Variants in DOCK5 observed in about 807,000 individuals in gnomAD.
DOCK5 encodes the protein dedicator of cytokinesis 5, also known as dedicator of cytokinesis protein 5.
A neutral mutation model predicts 251.8 loss-of-function variants in DOCK5; 142 were observed. That is an observed-to-expected ratio of 0.56 (90% CI 0.49 to 0.65). DOCK5 has a LOEUF of 0.65. DOCK5 is among the 30% of genes least tolerant of loss of function. The pLI, the probability that DOCK5 is intolerant of heterozygous loss-of-function variation, is 0.00. For missense variants in DOCK5, 2,111 were observed against 2,312.3 expected (o/e 0.91, Z 1.79); for synonymous variants, 842 against 835.5 (o/e 1.01, Z -0.13).
At chr8:25,193,992 A>T (rs558364508) in intron 1 of DOCK5, among the ~76,000 whole-genome samples, 1 of 152,066 alleles carries the variant, frequency 6.6e-6, no homozygotes, top group South Asian at 2.1e-4. Context: ...AGTTTCACAA[A>T]ACGATAATTG....
intron 5 of DOCK5, among the ~76,000 whole-genome samples, chr8:25,284,106 G>T (rs564376824): frequency 6.6e-6 from 1 of 152,342 alleles, no homozygotes. Context: ...AAAACAGAAA[G>T]AACTTGGATG....
intron 1 of DOCK5, among the ~76,000 whole-genome samples, chr8:25,199,337 G>T (rs1369057179): frequency 6.6e-6 from 1 of 150,870 alleles, no homozygotes; most frequent in African/African-American, 2.4e-5. Flanking sequence ...AAAAGTTTGA[G>T]TGAGTAAGCG....
chr8:25,385,231 G>A (rs986937047), intron 40 of DOCK5, among the ~76,000 whole-genome samples: 3 of 152,260 alleles, frequency 2.0e-5, no homozygotes, highest in South Asian at 2.1e-4. Context: ...CAGACTTTTC[G>A]TGTTGGAAAG....
intron 2 of DOCK5, among the ~76,000 whole-genome samples, chr8:25,265,957 A>G (rs1803733996): frequency 6.6e-6 from 1 of 151,914 alleles, no homozygotes; most frequent in Non-Finnish European, 1.5e-5. Context: ...AGAAAGCAGA[A>G]AAGACTTGTG....
chr8:25,240,165 G>A (rs539810767), intron 1 of DOCK5, among the ~76,000 whole-genome samples: 1 of 152,154 alleles, frequency 6.6e-6, no homozygotes, highest in Admixed American at 6.5e-5. Flanking sequence ...AGCCTTATGG[G>A]TTCCTTGGAT....
chr8:25,375,914 A>G (rs533660365), intron 37 of DOCK5: 5 of 796,082 alleles, frequency 6.3e-6, no homozygotes, highest in South Asian at 1.1e-4. Flanking sequence ...CCTGGCTAAC[A>G]TGGTGAAACC....
At chr8:25,362,975 T>G (rs1217777712) in intron 28 of DOCK5, 72 bp from the exon 29 acceptor site, 2 of 1,145,458 alleles carry the variant, frequency 1.7e-6, no homozygotes, top group East Asian at 4.7e-5. Context: ...GTGGTTCTGC[T>G]TGTATACACG....
At chr8:25,330,805 C>T (rs1805664618) in intron 18 of DOCK5, among the ~76,000 whole-genome samples, 1 of 151,886 alleles carries the variant, frequency 6.6e-6, no homozygotes, top group Admixed American at 6.6e-5. Context: ...ACTTGTAATC[C>T]CTTTGGGAGG....
At position 25,340,938 on chromosome 8, in the gene DOCK5, G is replaced by C; in HGVS notation, c.2389G>C (p.Ala797Pro). 1 of 1,613,546 alleles carries C rather than the reference G, an allele frequency of 6.2e-7. No homozygotes were observed. Among genetic ancestry groups the C allele is most frequent in the Non-Finnish European group, 8.5e-7 (1 of 1,179,726 alleles). ...FNNSIRQLFLAFNMLMDRPLE... is the reference protein window; with the variant it reads ...FNNSIRQLFLPFNMLMDRPLE... ...TAATTCAATTCGCCAGTTATTTCTT[G>C]CTTTCAATATGCTGATGGACAGGCC... The change falls in exon 23 of 52, where the codon GCT becomes CCT. Residue 797 changes from alanine (A) to proline (P), a missense_variant. Physicochemically the swap from Ala to Pro is conservative, Grantham distance 27. This residue lies in a region of DOCK5 where 1,717 missense variants were observed against 1,892.4 expected (regional missense o/e 0.91). Transcript: ENST00000276440.
intron 1 of DOCK5, among the ~76,000 whole-genome samples, chr8:25,238,433 T>C (rs2117535169): frequency 6.6e-6 from 1 of 152,346 alleles, no homozygotes; most frequent in South Asian, 2.1e-4. Flanking sequence ...GAGGGCATAC[T>C]ACCAAACCCA....
At chr8:25,334,071 T>C in intron 20 of DOCK5, 25 bp from the exon 21 acceptor site, 1 of 1,567,844 alleles carries the variant, frequency 6.4e-7, no homozygotes, top group Non-Finnish European at 8.8e-7. Context: ...GCAGTGCTGC[T>C]ATTTCTATTT....
chr8:25,273,489 G>A (rs1166144339), intron 3 of DOCK5, among the ~76,000 whole-genome samples: 1 of 152,208 alleles, frequency 6.6e-6, no homozygotes, highest in African/African-American at 2.4e-5. Context: ...TGTAATCCCA[G>A]CTACTTGGGA....
intron 43 of DOCK5, 57 bp from the exon 44 acceptor site, chr8:25,392,739 T>C: frequency 6.9e-7 from 1 of 1,443,158 alleles, no homozygotes; most frequent in Non-Finnish European, 9.6e-7. Context: ...TGACCAACAT[T>C]TCATGTTTTC....
At chr8:25,296,449 G>A (rs1804616511) in intron 6 of DOCK5, 64 bp from the exon 7 acceptor site, 1 of 1,558,488 alleles carries the variant, frequency 6.4e-7, no homozygotes, top group Non-Finnish European at 8.7e-7. Flanking sequence ...TCCTTGACAA[G>A]GACTCCTCAG....
intron 43 of DOCK5, 40 bp downstream of exon 43, chr8:25,392,020 C>T (rs1012496027): frequency 1.7e-5 from 27 of 1,588,372 alleles, no homozygotes; most frequent in African/African-American, 2.7e-5. Flanking sequence ...GTAAAATTAA[C>T]GGGCTGAGCA....
chr8:25,273,074 AGTGGCACAG>A (rs1322130154), intron 3 of DOCK5, among the ~76,000 whole-genome samples: 166 of 152,198 alleles, frequency 1.1e-3, no homozygotes, highest in African/African-American at 3.8e-3. Flanking sequence ...GCCGTGGCGC[AGTGGCACAG>A]TGGCACAGCG....
intron 28 of DOCK5, among the ~76,000 whole-genome samples, chr8:25,362,462 C>CTTTTTTTTTTTT (rs869096662): frequency 1.1e-4 from 6 of 54,634 alleles, no homozygotes; most frequent in African/African-American, 2.3e-4. Context: ...CTTTTCTTTT[C>CTTTTTTTTTTTT]TTTTTTTTTT....
intron 2 of DOCK5, among the ~76,000 whole-genome samples, chr8:25,261,037 C>T (rs996085920): frequency 6.6e-6 from 1 of 152,018 alleles, no homozygotes; most frequent in Non-Finnish European, 1.5e-5. Context: ...CCTCAGCCTC[C>T]CAAAGTGCTG....
intron 1 of DOCK5, among the ~76,000 whole-genome samples, chr8:25,185,782 G>A (rs1801415145): frequency 6.6e-6 from 1 of 152,166 alleles, no homozygotes; most frequent in Admixed American, 6.5e-5. Context: ...TGGTGCTTTG[G>A]CTCCGAAACA....
Sources: gnomAD v4.1 joint callset for allele counts (sites outside exome capture counted in the v4.1 genomes callset) on GRCh38, gnomAD v4.1.1 for gene constraint, gnomAD v4.1.1 regional missense constraint, MANE v1.5 for transcripts, NCBI Gene and HGNC (gene_info 2026-07-23, HGNC 2026-07-21) for gene names.